Variants in NETO1 observed in about 807,000 individuals in gnomAD.
NETO1 encodes neuropilin and tolloid-like protein 1.
A neutral mutation model predicts 61.3 loss-of-function variants in NETO1; 26 were observed. The observed-to-expected ratio is 0.42, with a 90% CI of 0.31 to 0.59. The LOEUF is 0.59. NETO1 is among the 20% of genes least tolerant of loss of function. NETO1 has a pLI of 0.12. For missense variants in NETO1, 531 were observed against 662.8 expected, an observed-to-expected ratio of 0.80 and a Z score of 2.18; for synonymous variants, 225 against 225.8, an observed-to-expected ratio of 1.00 and a Z score of 0.03.
chr18:72,793,858 A>G (rs778415210), intron 6 of NETO1, among the ~76,000 whole-genome samples: 7 of 152,220 alleles, frequency 4.6e-5, no homozygotes, highest in Non-Finnish European at 8.8e-5. Flanking sequence ...CATGTTTCAG[A>G]GAGGTCGACT....
chr18:72,853,451 G>GA (rs111871022), intron 4 of NETO1: 19,561 of 151,280 alleles, frequency 0.13, 1,894 homozygotes, highest in African/African-American at 0.27. Context: ...TTTTTATGTG[G>GA]AAAAAAAAAT....
chr18:72,772,642 C>T (rs892784486), intron 7 of NETO1, among the ~76,000 whole-genome samples: 3 of 151,194 alleles, frequency 2.0e-5, no homozygotes, highest in African/African-American at 4.9e-5. Flanking sequence ...TTCTTGACTA[C>T]TCTGTTGCCC....
intron 4 of NETO1, among the ~76,000 whole-genome samples, chr18:72,852,362 A>G (rs1053088438): frequency 7.2e-5 from 11 of 151,924 alleles, no homozygotes; most frequent in African/African-American, 2.7e-4. Context: ...CTACAGGCAC[A>G]TGCCACCACG....
At chr18:72,778,484 T>C (rs1311397291) in intron 7 of NETO1, among the ~76,000 whole-genome samples, 1 of 152,200 alleles carries the variant, frequency 6.6e-6, no homozygotes, top group Middle Eastern at 3.2e-3. Flanking sequence ...CAAACGTTCT[T>C]TCAACACTTT....
At chr18:72,839,615 A>G (rs36181119) in intron 4 of NETO1, among the ~76,000 whole-genome samples, 145,911 of 151,964 alleles carry the variant, frequency 0.96, 70,141 homozygotes, top group Non-Finnish European at 0.99. Context: ...TCTTATTTCA[A>G]TAAAACTCAT....
intron 7 of NETO1, among the ~76,000 whole-genome samples, chr18:72,760,579 C>A (rs964093533): frequency 2.6e-5 from 4 of 152,140 alleles, no homozygotes; most frequent in Non-Finnish European, 4.4e-5. Context: ...TCCTGGCCAC[C>A]TGGTCTCTGA....
intron 6 of NETO1, 38 bp downstream of exon 6, chr18:72,794,079 C>A (rs572865804): frequency 6.2e-7 from 1 of 1,613,656 alleles, no homozygotes; most frequent in East Asian, 2.2e-5. Context: ...CACTTCTCAA[C>A]GTCAGCTGTC....
At position 72,810,179 on chromosome 18, in the gene NETO1, C is replaced by T. The variant is rs189842607; in HGVS notation, c.470-15775G>A. 2.0e-3 allele frequency among the ~76,000 whole-genome samples: 303 copies of T among 152,264 alleles called. 2 individuals carry two copies. The highest frequency in any genetic ancestry group is 0.013 in the East Asian group (67 of 5,176). ...TAAATACAGACTAAGTACATGATTA[C>T]CAAAATATTCAAATCTTCCCATCTC... On this transcript the variant is annotated intron_variant, in intron 4 of 10. Transcript: ENST00000327305.
At chr18:72,763,468 C>T (rs915132859) in intron 7 of NETO1, among the ~76,000 whole-genome samples, 1 of 151,694 alleles carries the variant, frequency 6.6e-6, no homozygotes, top group Non-Finnish European at 1.5e-5. Flanking sequence ...TTGCTTTCCT[C>T]AAATTATTTT....
At chr18:72,786,826 A>G (rs2071935534) in intron 6 of NETO1, among the ~76,000 whole-genome samples, 1 of 151,236 alleles carries the variant, frequency 6.6e-6, no homozygotes, top group South Asian at 2.1e-4. Context: ...TTAAAAAAAA[A>G]AGATTTTTTT....
chr18:72,783,846 C>G lies in NETO1; in HGVS notation c.700G>C (p.Val234Leu), dbSNP rs1484503261. ...GAACTGCTTCCATCATACACAGCCA[C>G]AAAATTCCTCTTGCACTCATTTGAA... is the stretch of plus-strand genomic sequence containing the variant. ...QNSNECKRNF[V>L]AVYDGSSSVE... The change falls in exon 7 of 11, where the codon GTG (valine) becomes CTG (leucine). Residue 234 changes from valine (V) to leucine (L), a missense_variant. Physicochemically the swap from Val to Leu is conservative, Grantham distance 32. Coordinates refer to ENST00000327305, the MANE Select transcript of NETO1 (RefSeq NM_138966.5). The G allele has an allele frequency of 6.2e-7, 1 of 1,614,156 alleles. No homozygotes were observed. The highest frequency in any genetic ancestry group is 1.7e-5 in the Admixed American group (1 of 60,024).
At chr18:72,784,382 A>T (rs1568197421) in intron 6 of NETO1, among the ~76,000 whole-genome samples, 1 of 152,244 alleles carries the variant, frequency 6.6e-6, no homozygotes, top group East Asian at 1.9e-4. Flanking sequence ...TGTTTAATCA[A>T]ATTATTTAAC....
At chr18:72,752,590 C>T (rs2070658399) in intron 8 of NETO1, among the ~76,000 whole-genome samples, 1 of 150,388 alleles carries the variant, frequency 6.6e-6, no homozygotes, top group Admixed American at 6.6e-5. Flanking sequence ...TGATTTTCAA[C>T]AAAACATTAT....
chr18:72,853,815 T>C (rs1048396660), intron 4 of NETO1, among the ~76,000 whole-genome samples: 29 of 152,126 alleles, frequency 1.9e-4, no homozygotes, highest in Non-Finnish European at 2.9e-4. Flanking sequence ...TAATTTTTCA[T>C]ATTTTTGTGC....
At chr18:72,865,988 A>G (rs1952152364) in intron 1 of NETO1, among the ~76,000 whole-genome samples, 1 of 152,206 alleles carries the variant, frequency 6.6e-6, no homozygotes, top group Admixed American at 6.5e-5. Context: ...CCAGTGTCAA[A>G]GAGACTGTGA....
intron 4 of NETO1, among the ~76,000 whole-genome samples, chr18:72,825,306 T>G (rs2073340453): frequency 6.6e-6 from 1 of 152,230 alleles, no homozygotes; most frequent in African/African-American, 2.4e-5. Context: ...TCTTCTGAAG[T>G]GATTTTGATA....
rs560425852 is a variant in NETO1 at position 72,759,703 on chromosome 18, G to A, written c.869-3556C>T. 2.6e-5 allele frequency among the ~76,000 whole-genome samples: 4 copies of A among 152,280 alleles called. No individual in the cohort carries two copies. In the South Asian group the frequency reaches 8.3e-4, roughly 32 times the overall value. On this transcript the variant is annotated intron_variant, in intron 7 of 10. Coordinates refer to ENST00000327305, the MANE Select transcript of NETO1 (RefSeq NM_138966.5). ...TCTCAGAAACTAAACTCAGCATCCT[G>A]TCTTTGCTTCTTTCACTATTTCTGA... is the stretch of plus-strand genomic sequence containing the variant.
intron 4 of NETO1, among the ~76,000 whole-genome samples, chr18:72,826,771 G>T (rs7231566): frequency 3.9e-5 from 6 of 152,148 alleles, no homozygotes; most frequent in South Asian, 4.1e-4. Flanking sequence ...CCACAACTCA[G>T]GAAACTGTCT....
At chr18:72,777,741 T>A (rs917369109) in intron 7 of NETO1, among the ~76,000 whole-genome samples, 3 of 152,190 alleles carry the variant, frequency 2.0e-5, no homozygotes, top group Non-Finnish European at 2.9e-5. Context: ...AGACTCCATC[T>A]CAAATAAACA....
Sources: gnomAD v4.1 joint callset for allele counts (sites outside exome capture counted in the v4.1 genomes callset) on GRCh38, gnomAD v4.1.1 for gene constraint, MANE v1.5 for transcripts, NCBI Gene and HGNC (gene_info 2026-07-23, HGNC 2026-07-21) for gene names.